BTBD9: variants seen among roughly 807,000 people sequenced by gnomAD.
BTBD9 encodes the protein BTB domain containing 9.
In BTBD9, 49 loss-of-function variants were observed where a neutral mutation model predicts 64.3. That is an observed-to-expected ratio of 0.76 (90% CI 0.61 to 0.97). The LOEUF is 0.97. Ranked by LOEUF, BTBD9 falls within the 50% of genes least tolerant of loss-of-function variation. The probability of loss-of-function intolerance (pLI) is 0.00; values close to 1 mark genes in which losing one functional copy is unlikely to be tolerated. For synonymous variants in BTBD9, 260 were observed against 274.7 expected (o/e 0.95, Z 0.53); for missense variants, 598 against 762.1 (o/e 0.78, Z 2.53).
At chr6:38,394,666 G>A (rs57578822) in intron 6 of BTBD9, among the ~76,000 whole-genome samples, 5,171 of 123,966 alleles carry the variant, frequency 0.042, 180 homozygotes, top group East Asian at 0.18. Flanking sequence ...GTCTAGGGGG[G>A]AAAAAAAAAA....
intron 6 of BTBD9, among the ~76,000 whole-genome samples, chr6:38,560,701 A>G (rs964494315): frequency 1.1e-4 from 17 of 152,060 alleles, no homozygotes; most frequent in African/African-American, 3.9e-4. Flanking sequence ...ATAGTACCCA[A>G]TAGCTATTTT....
chr6:38,268,996 A>T (rs1765112635), intron 8 of BTBD9, among the ~76,000 whole-genome samples: 1 of 152,168 alleles, frequency 6.6e-6, no homozygotes, highest in South Asian at 2.1e-4. Flanking sequence ...GACTTCTTTC[A>T]TGAAATAGTT....
At chr6:38,218,074 G>A (rs1163451760) in intron 9 of BTBD9, among the ~76,000 whole-genome samples, 1 of 152,100 alleles carries the variant, frequency 6.6e-6, no homozygotes, top group Admixed American at 6.6e-5. Context: ...TCTGGATCCC[G>A]TTCTGGTTGT....
At position 38,174,863 on chromosome 6, in the gene BTBD9, G is replaced by T. The variant is rs1284838489; in HGVS notation, c.*122C>A. On this transcript the variant is annotated 3_prime_UTR_variant, in exon 11 of 11. Coordinates refer to ENST00000481247, the MANE Select transcript of BTBD9 (RefSeq NM_001099272.2). ...TGTTCGGTGTCTGCTTTTGCAGCTA[G>T]GTCGGCTCCTCCCTGGAAAGGGGCA... 1.7e-6 allele frequency: 2 copies of T among 1,154,168 alleles called. No homozygotes were observed. The highest frequency in any genetic ancestry group is 1.4e-5 in the South Asian group (1 of 70,412). 71.5% of individuals were successfully genotyped at this position (1,154,168 alleles called of 1,614,324 possible).
At chr6:38,177,303 A>G (rs552608425) in intron 10 of BTBD9, among the ~76,000 whole-genome samples, 17 of 152,006 alleles carry the variant, frequency 1.1e-4, no homozygotes, top group Admixed American at 3.3e-4. Flanking sequence ...TGCTCTTGCA[A>G]CGTTCTCTAC....
chr6:38,177,746 T>C (rs995991108), intron 10 of BTBD9, among the ~76,000 whole-genome samples: 16 of 152,238 alleles, frequency 1.1e-4, no homozygotes, highest in African/African-American at 3.9e-4. Flanking sequence ...CATTTATCTC[T>C]TGTCTAACTT....
chr6:38,353,352 G>C (rs1274731856), intron 6 of BTBD9, among the ~76,000 whole-genome samples: 2 of 151,110 alleles, frequency 1.3e-5, no homozygotes, highest in Non-Finnish European at 1.5e-5. Flanking sequence ...ATTATAGAGA[G>C]AGAAAATGAG....
intron 6 of BTBD9, among the ~76,000 whole-genome samples, chr6:38,528,050 C>T (rs1460443805): frequency 6.6e-6 from 1 of 152,112 alleles, no homozygotes; most frequent in Non-Finnish European, 1.5e-5. Context: ...CTACAACATC[C>T]CTTCCCCATT....
chr6:38,256,654 A>C (rs1391414556), intron 8 of BTBD9, 138 bp from the exon 9 acceptor site: 2 of 605,130 alleles, frequency 3.3e-6, no homozygotes, highest in East Asian at 5.8e-5. Context: ...ATCCCAAAAA[A>C]GTATGAAGAG....
At chr6:38,628,580 T>C (rs1481515300) in intron 1 of BTBD9, among the ~76,000 whole-genome samples, 3 of 152,066 alleles carry the variant, frequency 2.0e-5, no homozygotes, top group Non-Finnish European at 2.9e-5. Flanking sequence ...CAGTGTAGGG[T>C]TGAAACTGGA....
chr6:38,350,452 T>C (rs956880156), intron 6 of BTBD9, among the ~76,000 whole-genome samples: 7 of 152,226 alleles, frequency 4.6e-5, no homozygotes, highest in African/African-American at 1.7e-4. Flanking sequence ...GTGGTTACAG[T>C]TAATCCTTAA....
At chr6:38,256,297 C>T (rs748737122) in intron 9 of BTBD9, 112 bp downstream of exon 9, 4 of 724,400 alleles carry the variant, frequency 5.5e-6, no homozygotes, top group Non-Finnish European at 9.5e-6. Context: ...TGTTTTCCAC[C>T]TCCAAATAAG....
At chr6:38,598,322 A>C (rs1241766740) in intron 1 of BTBD9, among the ~76,000 whole-genome samples, 1 of 152,200 alleles carries the variant, frequency 6.6e-6, no homozygotes, top group Admixed American at 6.5e-5. Flanking sequence ...CCTTCATCAC[A>C]CTAGCAAAGC....
intron 6 of BTBD9, among the ~76,000 whole-genome samples, chr6:38,408,528 A>G: frequency 6.6e-6 from 1 of 152,192 alleles, no homozygotes; most frequent in East Asian, 1.9e-4. Context: ...CTCGGGTTGA[A>G]ATAATTCCAA....
intron 9 of BTBD9, among the ~76,000 whole-genome samples, chr6:38,205,207 C>T (rs1195394753): frequency 5.3e-5 from 8 of 152,098 alleles, no homozygotes; most frequent in African/African-American, 1.9e-4. Context: ...ATATGAAGGA[C>T]ATAAGATTCC....
chr6:38,228,994 CAAG>C (rs2127515371), intron 9 of BTBD9, among the ~76,000 whole-genome samples: 1 of 152,204 alleles, frequency 6.6e-6, no homozygotes, highest in East Asian at 1.9e-4. Context: ...GTCAGGAGTT[CAAG>C]ACCAGCCTGG....
chr6:38,525,583 T>C (rs1439495259), intron 6 of BTBD9, among the ~76,000 whole-genome samples: 2 of 152,150 alleles, frequency 1.3e-5, no homozygotes, highest in African/African-American at 4.8e-5. Context: ...CCTAGAGACT[T>C]GTTGAATGGT....
rs373449107 is a variant in BTBD9 at position 38,192,550 on chromosome 6, C to A, written c.1610G>T (p.Arg537Leu). The A allele has an allele frequency of 6.2e-7, 1 of 1,613,922 alleles. No individual in the cohort carries two copies. Among genetic ancestry groups the A allele is most frequent in the South Asian group, 1.1e-5 (1 of 91,052 alleles). ...TGCTGTGTTGTGTGTCCCAACGATACGGATGAAGGAGGCAGGCTGCCTTTC... is the reference window on the plus strand; with the variant it reads ...TGCTGTGTTGTGTGTCCCAACGATAAGGATGAAGGAGGCAGGCTGCCTTTC... ...TFERQPASFIRIVGTHNTANE... is the reference protein window; with the variant it reads ...TFERQPASFILIVGTHNTANE... Residue 537 changes from arginine (R) to leucine (L), a missense_variant, in exon 10 of 11, where the codon CGT becomes CTT. Transcript: ENST00000481247.
intron 6 of BTBD9, among the ~76,000 whole-genome samples, chr6:38,505,964 C>CAAAACAAAAAAAA (rs1554164033): frequency 4.8e-5 from 4 of 82,630 alleles, no homozygotes; most frequent in Non-Finnish European, 7.2e-5. Flanking sequence ...TCCGTCTCAA[C>CAAAACAAAAAAAA]AAAAAAAAAA....
Sources: allele counts gnomAD v4.1 joint callset (sites outside exome capture counted in the v4.1 genomes callset), GRCh38; gene constraint gnomAD v4.1.1; transcripts MANE v1.5; gene names NCBI Gene and HGNC (gene_info 2026-07-23, HGNC 2026-07-21).